FGF13: variants seen among roughly 807,000 people sequenced by gnomAD.
The protein encoded by FGF13 is fibroblast growth factor 13, also known as fibroblast growth factor homologous factor 2.
In FGF13, 2 loss-of-function variants were observed where a neutral mutation model predicts 19.5. The observed-to-expected ratio is 0.10, with a 90% CI of 0.04 to 0.32. FGF13 has a LOEUF of 0.32. Among genes scored for constraint, FGF13 ranks in the 10% least tolerant of loss-of-function variants. The pLI is 1.00. For synonymous variants in FGF13, 72 were observed against 76.9 expected (o/e 0.94, Z 0.33); for missense variants, 113 against 192.7 (o/e 0.59, Z 2.45).
At chrX:138,650,676 T>C (rs2089360757) in intron 3 of FGF13, among the ~76,000 whole-genome samples, 1 of 112,000 alleles carries the variant, frequency 8.9e-6, no homozygotes, top group Non-Finnish European at 1.9e-5. Context: ...GATGTTTCGA[T>C]ACATGTATAC....
chrX:139,092,119 G>A (rs1302950588), intron 1 of FGF13, among the ~76,000 whole-genome samples: 1 of 111,512 alleles, frequency 9.0e-6, no homozygotes, highest in Non-Finnish European at 1.9e-5. Flanking sequence ...CCTGGGAAGA[G>A]GAAAGGAGGG....
At chrX:139,052,965 T>C (rs2092307326) in intron 1 of FGF13, among the ~76,000 whole-genome samples, 1 of 111,085 alleles carries the variant, frequency 9.0e-6, no homozygotes, top group South Asian at 3.9e-4. Context: ...ACAAGCTGTA[T>C]ACACTGCACA....
chrX:139,170,317 G>A (rs1272670737), intron 1 of FGF13, among the ~76,000 whole-genome samples: 5 of 111,154 alleles, frequency 4.5e-5, no homozygotes, highest in Non-Finnish European at 7.5e-5. Flanking sequence ...CTGCTAGCAT[G>A]ATATTTCTAA....
At chrX:139,066,343 A>G (rs1456679802) in intron 1 of FGF13, among the ~76,000 whole-genome samples, 3 of 111,572 alleles carry the variant, frequency 2.7e-5, no homozygotes, top group Non-Finnish European at 5.7e-5. Context: ...TGAAGGCGAT[A>G]GAGACACAAA....
chrX:139,130,480 G>A (rs73633972), intron 1 of FGF13, among the ~76,000 whole-genome samples: 5,457 of 111,724 alleles, frequency 0.049, 326 homozygotes, highest in African/African-American at 0.17. Flanking sequence ...TGACATTGCT[G>A]AGCTCATTTA....
intron 3 of FGF13, among the ~76,000 whole-genome samples, chrX:138,810,769 C>G (rs1415193761): frequency 8.9e-6 from 1 of 111,874 alleles, no homozygotes; most frequent in African/African-American, 3.3e-5. Context: ...ACAACCCCAT[C>G]AACAAGTGGA....
chrX:138,998,925 A>G lies in FGF13; in HGVS notation c.-112-134275T>C, dbSNP rs139162997. On this transcript the variant is annotated intron_variant, in intron 1 of 2. Coordinates refer to the FGF13 transcript ENST00000421460. ...TTGCACTTATTCCAAAATTGATCAC[A>G]TAGTTGGAAGTAAAGCATTCCTCAG... Among the ~76,000 whole-genome samples, 635 of 112,282 alleles carry G rather than the reference A, an allele frequency of 5.7e-3. 5 individuals carry two copies. The highest frequency in any genetic ancestry group is 0.019 in the African/African-American group (601 of 30,868).
intron 3 of FGF13, among the ~76,000 whole-genome samples, chrX:138,746,535 A>G (rs5976194): frequency 0.37 from 41,575 of 110,887 alleles, 6,456 homozygotes; most frequent in East Asian, 0.58. Flanking sequence ...TGATTTGACC[A>G]ACACAATGCA....
At chrX:138,753,036 C>T (rs780972010) in intron 3 of FGF13, among the ~76,000 whole-genome samples, 8 of 111,743 alleles carry the variant, frequency 7.2e-5, no homozygotes, top group Non-Finnish European at 1.5e-4. Context: ...AATTTTTGCA[C>T]ACTCCCTAAT....
intron 1 of FGF13, among the ~76,000 whole-genome samples, chrX:139,196,279 A>T (rs2078363350): frequency 8.9e-6 from 1 of 112,268 alleles, no homozygotes; most frequent in African/African-American, 3.2e-5. Context: ...AAAAGAAAGT[A>T]CCATTGTTTT....
At chrX:139,183,704 T>G (rs1157199329) in intron 1 of FGF13, among the ~76,000 whole-genome samples, 2 of 112,098 alleles carry the variant, frequency 1.8e-5, no homozygotes, top group Admixed American at 9.5e-5. Context: ...CACAGAACCA[T>G]GAGCTAAATA....
intron 1 of FGF13, 36 bp from the exon 2 acceptor site, chrX:138,708,964 A>G (rs1311268296): frequency 1.2e-6 from 1 of 839,979 alleles, no homozygotes; most frequent in African/African-American, 2.0e-5. Flanking sequence ...CAATTGATAA[A>G]TTGTGCCTAT....
At chrX:138,685,423 T>G (rs2089771545) in intron 3 of FGF13, among the ~76,000 whole-genome samples, 1 of 111,222 alleles carries the variant, frequency 9.0e-6, no homozygotes, top group South Asian at 3.8e-4. Flanking sequence ...AAATAACCCT[T>G]TCAGTGTGAC....
At chrX:138,814,255 A>G (rs2090946646) in intron 3 of FGF13, among the ~76,000 whole-genome samples, 1 of 110,250 alleles carries the variant, frequency 9.1e-6, no homozygotes, top group African/African-American at 3.3e-5. Flanking sequence ...AAAATTAACA[A>G]TAGCCAGTGA....
intron 2 of FGF13, among the ~76,000 whole-genome samples, chrX:138,704,592 G>A (rs1176422071): frequency 8.9e-6 from 1 of 111,982 alleles, no homozygotes; most frequent in Non-Finnish European, 1.9e-5. Context: ...TGCAGTAGGT[G>A]GGGTAATATG....
At chrX:139,022,957 C>A (rs1410771891) in intron 1 of FGF13, among the ~76,000 whole-genome samples, 1 of 111,409 alleles carries the variant, frequency 9.0e-6, no homozygotes, top group Non-Finnish European at 1.9e-5. Flanking sequence ...TTCACAAAAA[C>A]CATTTGAAAT....
intron 1 of FGF13, among the ~76,000 whole-genome samples, chrX:138,945,230 T>C (rs946992031): frequency 6.3e-5 from 7 of 111,281 alleles, no homozygotes; most frequent in Admixed American, 5.7e-4. Flanking sequence ...ACCAAAATGG[T>C]ATTCTTCATT....
chrX:138,860,432 T>A (rs1429543559), intron 2 of FGF13, among the ~76,000 whole-genome samples: 1 of 111,347 alleles, frequency 9.0e-6, no homozygotes, highest in African/African-American at 3.3e-5. Context: ...TCCAGCCCAT[T>A]AAGATAGGAA....
At chrX:138,746,606 A>G (rs2090358691) in intron 3 of FGF13, among the ~76,000 whole-genome samples, 1 of 111,474 alleles carries the variant, frequency 9.0e-6, no homozygotes, top group Non-Finnish European at 1.9e-5. Context: ...AGTGAAAAGC[A>G]GGGACCCTAG....
Sources: gnomAD v4.1 joint callset for allele counts (sites outside exome capture counted in the v4.1 genomes callset) on GRCh38, gnomAD v4.1.1 for gene constraint, MANE v1.5 for transcripts, NCBI Gene and HGNC (gene_info 2026-07-23, HGNC 2026-07-21) for gene names.